Variants in RPS6KC1 observed in about 807,000 individuals in gnomAD.
RPS6KC1 encodes the protein inactive ribosomal protein S6 kinase delta-1.
Under a neutral mutation model 103.8 loss-of-function variants are expected in RPS6KC1, and 54 were observed. The ratio of observed to expected loss-of-function variants is 0.52; its 90% CI spans 0.42 to 0.65. The LOEUF (loss-of-function observed/expected upper bound fraction) is 0.65. Ranked by LOEUF, RPS6KC1 falls within the 30% of genes least tolerant of loss-of-function variation. RPS6KC1 has a pLI of 0.00. For missense variants in RPS6KC1, 1,151 were observed against 1,253.8 expected (o/e 0.92, Z 1.24); for synonymous variants, 439 against 438.7 (o/e 1.00, Z -0.01).
chr1:213,566,334 T>C, the RPS6KC1 span, among the ~76,000 whole-genome samples: 303 of 152,180 alleles, frequency 2.0e-3, no homozygotes, highest in African/African-American at 6.7e-3. Context: ...TCTTTGCTTT[T>C]TGTGTTCTGA....
At chr1:213,306,380 G>T in the RPS6KC1 span, among the ~76,000 whole-genome samples, 1 of 152,004 alleles carries the variant, frequency 6.6e-6, no homozygotes, top group Non-Finnish European at 1.5e-5. Context: ...AGTAATTAGA[G>T]AAAAAAATCA....
At chr1:213,678,338 A>G in the RPS6KC1 span, among the ~76,000 whole-genome samples, 305 of 152,352 alleles carry the variant, frequency 2.0e-3, no homozygotes, top group African/African-American at 7.1e-3. Flanking sequence ...AGGGCCATGA[A>G]TTATTGGCTT....
At chr1:213,301,698 C>CTTACTTACTTAT in the RPS6KC1 span, among the ~76,000 whole-genome samples, 296 of 141,254 alleles carry the variant, frequency 2.1e-3, no homozygotes, top group African/African-American at 7.4e-3. Flanking sequence ...GACCCATTTA[C>CTTACTTACTTAT]TTATTTATTT....
intron 8 of RPS6KC1, among the ~76,000 whole-genome samples, chr1:213,229,747 A>C (rs1318379655): frequency 6.6e-6 from 1 of 152,158 alleles, no homozygotes; most frequent in African/African-American, 2.4e-5. Flanking sequence ...TCTTGAGGTC[A>C]TTTTATGGGC....
chr1:213,214,499 G>A (rs896338702), intron 8 of RPS6KC1, among the ~76,000 whole-genome samples: 13 of 152,314 alleles, frequency 8.5e-5, no homozygotes, highest in African/African-American at 2.9e-4. Flanking sequence ...AGACTTAAAT[G>A]TCCCTGTCTG....
chr1:213,843,301 G>T, the RPS6KC1 span, among the ~76,000 whole-genome samples: 1 of 152,086 alleles, frequency 6.6e-6, no homozygotes, highest in Non-Finnish European at 1.5e-5. Flanking sequence ...GAAACTACTG[G>T]GCACCACAGC....
At chr1:213,370,235 GTTATTTTATTTTAT>G in the RPS6KC1 span, among the ~76,000 whole-genome samples, 66 of 139,132 alleles carry the variant, frequency 4.7e-4, no homozygotes, top group African/African-American at 1.9e-3. Flanking sequence ...CTGCTTCTCT[GTTATTTTATTTTAT>G]TTATTTTATT....
chr1:213,801,437 T>C, the RPS6KC1 span, among the ~76,000 whole-genome samples: 3 of 152,290 alleles, frequency 2.0e-5, no homozygotes, highest in East Asian at 5.8e-4. Context: ...TGTAAATGTA[T>C]AATAATATAT....
At chr1:213,517,574 T>C in the RPS6KC1 span, among the ~76,000 whole-genome samples, 1 of 152,258 alleles carries the variant, frequency 6.6e-6, no homozygotes, top group Admixed American at 6.5e-5. Flanking sequence ...TCTAGTTTGA[T>C]TGCACTGTGG....
the RPS6KC1 span, among the ~76,000 whole-genome samples, chr1:213,731,252 A>G: frequency 6.6e-6 from 1 of 152,258 alleles, no homozygotes; most frequent in South Asian, 2.1e-4. Flanking sequence ...TTCCATATGA[A>G]TTTTAAAATA....
At chr1:213,138,199 C>T (rs564533930) in intron 6 of RPS6KC1, among the ~76,000 whole-genome samples, 1 of 151,982 alleles carries the variant, frequency 6.6e-6, no homozygotes, top group Admixed American at 6.5e-5. Context: ...TTTTATATAT[C>T]ATTGGATTTA....
At chr1:213,344,831 A>G in the RPS6KC1 span, among the ~76,000 whole-genome samples, 1 of 152,076 alleles carries the variant, frequency 6.6e-6, no homozygotes, top group Non-Finnish European at 1.5e-5. Flanking sequence ...CACTGCACCC[A>G]CCTATGCTTG....
intron 6 of RPS6KC1, among the ~76,000 whole-genome samples, chr1:213,150,632 A>G (rs1168511156): frequency 1.3e-5 from 2 of 151,726 alleles, no homozygotes; most frequent in Admixed American, 1.3e-4. Context: ...GGTTGGAGGT[A>G]AGGTCACAGA....
At chr1:213,290,156 A>AAT in the RPS6KC1 span, among the ~76,000 whole-genome samples, 2 of 151,608 alleles carry the variant, frequency 1.3e-5, no homozygotes, top group African/African-American at 4.8e-5. Context: ...AAAAAAAAAA[A>AAT]AAAAAAAAAA....
At chr1:213,411,154 T>C in the RPS6KC1 span, among the ~76,000 whole-genome samples, 1 of 152,206 alleles carries the variant, frequency 6.6e-6, no homozygotes, top group African/African-American at 2.4e-5. Context: ...CATTCACTTG[T>C]TGTTTGACTC....
chr1:213,348,779 A>G, the RPS6KC1 span, among the ~76,000 whole-genome samples: 1 of 152,234 alleles, frequency 6.6e-6, no homozygotes, highest in African/African-American at 2.4e-5. Context: ...TAAGAAAGCT[A>G]TAGCTCCTTG....
At chr1:213,629,636 C>G in the RPS6KC1 span, among the ~76,000 whole-genome samples, 4 of 152,036 alleles carry the variant, frequency 2.6e-5, no homozygotes, top group African/African-American at 9.7e-5. Flanking sequence ...ATGATGTTAG[C>G]TGGTTATTTT....
chr1:213,192,009 C>G (rs984103454), intron 8 of RPS6KC1, among the ~76,000 whole-genome samples: 6 of 151,934 alleles, frequency 3.9e-5, no homozygotes, highest in African/African-American at 1.2e-4. Flanking sequence ...CCGATTCAGC[C>G]TCCCAAAGTG....
At chr1:213,599,022 T>C in the RPS6KC1 span, among the ~76,000 whole-genome samples, 1 of 152,304 alleles carries the variant, frequency 6.6e-6, no homozygotes, top group Admixed American at 6.5e-5. Context: ...AATGTAAGAC[T>C]ACGTCTTACA....
Sources: allele counts gnomAD v4.1 joint callset (sites outside exome capture counted in the v4.1 genomes callset), GRCh38; gene constraint gnomAD v4.1.1; transcripts MANE v1.5; gene names NCBI Gene and HGNC (gene_info 2026-07-23, HGNC 2026-07-21).